The following CCDC112 variants were observed in gnomAD, a reference collection of about 807,000 sequenced individuals.
CCDC112 encodes coiled-coil domain-containing protein 112.
CCDC112 carries 40 observed loss-of-function variants against 66.3 expected under a neutral mutation model. That is an observed-to-expected ratio of 0.60 (90% CI 0.47 to 0.79). The LOEUF (loss-of-function observed/expected upper bound fraction) is 0.79. CCDC112 is among the 30% of genes least tolerant of loss of function. The pLI is 0.00. For missense variants in CCDC112, 659 were observed against 603.8 expected (o/e 1.09, Z -0.96); for synonymous variants, 214 against 197.2 (o/e 1.09, Z -0.71).
At position 115,272,102 on chromosome 5, in the gene CCDC112, T is replaced by C. The variant is rs560981206; in HGVS notation, c.919-476A>G. Among the ~76,000 whole-genome samples, 11 of 152,166 alleles carry C rather than the reference T, an allele frequency of 7.2e-5. No homozygotes were observed. In the South Asian group the frequency reaches 2.3e-3, roughly 32 times the overall value. On this transcript the variant is annotated intron_variant, in intron 6 of 9. Coordinates refer to ENST00000379611, the MANE Select transcript of CCDC112 (RefSeq NM_001040440.3). ...ACCATGTCTGGCTAATTTTTTTGTA[T>C]TTTTAGTATAGGGTTTCATCATGTT...
At position 115,296,619 on chromosome 5, in the gene CCDC112, G is replaced by T; in HGVS notation, c.-76C>A. On this transcript the variant is annotated 5_prime_UTR_variant, in exon 1 of 10. Transcript: ENST00000379611. ...TCGTGGCAGGCGCACCCTGGCCTCT[G>T]CAGACAGCTCCCTGCGCTGCGGGCT... 7.3e-7 allele frequency: 1 copy of T among 1,363,382 alleles called. No individual in the cohort carries two copies. The highest frequency in any genetic ancestry group is 9.5e-7 in the Non-Finnish European group (1 of 1,058,006). 84.5% of individuals were successfully genotyped at this position (1,363,382 alleles called of 1,614,324 possible).
intron 4 of CCDC112, among the ~76,000 whole-genome samples, chr5:115,276,556 C>A (rs1344609395): frequency 6.6e-6 from 1 of 152,020 alleles, no homozygotes; most frequent in Non-Finnish European, 1.5e-5. Context: ...CTCTCAAAGA[C>A]AATTATTTCA....
intron 6 of CCDC112, among the ~76,000 whole-genome samples, chr5:115,274,860 C>T (rs1186625891): frequency 6.6e-6 from 1 of 152,232 alleles, no homozygotes; most frequent in Non-Finnish European, 1.5e-5. Context: ...CCCACCTCAG[C>T]TTCCCAAGTA....
intron 1 of CCDC112, chr5:115,289,463 T>G (rs1488230927): frequency 6.5e-6 from 1 of 153,066 alleles, no homozygotes; most frequent in Non-Finnish European, 1.5e-5. Flanking sequence ...CCCCACTTTT[T>G]TCTATTGTTT....
At chr5:115,276,227 A>G (rs931209536) in intron 4 of CCDC112, among the ~76,000 whole-genome samples, 158 bp from the exon 5 acceptor site, 1 of 152,148 alleles carries the variant, frequency 6.6e-6, no homozygotes, top group Non-Finnish European at 1.5e-5. Context: ...TATGATTGCT[A>G]TTTTTTCTGA....
intron 1 of CCDC112, among the ~76,000 whole-genome samples, chr5:115,287,169 C>A (rs920395066): frequency 6.6e-6 from 1 of 152,162 alleles, no homozygotes; most frequent in African/African-American, 2.4e-5. Context: ...GTTTCAATTT[C>A]TCCACAGGCT....
intron 1 of CCDC112, among the ~76,000 whole-genome samples, chr5:115,295,353 G>A (rs868001334): frequency 1.3e-5 from 2 of 152,128 alleles, no homozygotes; most frequent in Non-Finnish European, 2.9e-5. Context: ...TTTGAGCATA[G>A]TACTTAAAAA....
intron 2 of CCDC112, among the ~76,000 whole-genome samples, chr5:115,282,149 A>C (rs1749483560): frequency 6.6e-6 from 1 of 152,182 alleles, no homozygotes. Flanking sequence ...ACATTCATAC[A>C]CTGGAATATG....
At chr5:115,295,491 G>A (rs932905760) in intron 1 of CCDC112, among the ~76,000 whole-genome samples, 3 of 152,132 alleles carry the variant, frequency 2.0e-5, no homozygotes, top group African/African-American at 7.2e-5. Context: ...ATTTCCTGAA[G>A]GTCTACGAGT....
In CCDC112 at chr5:115,276,940, GATTAT is replaced by G. The variant is rs372585190; in HGVS notation, c.451+20_451+24del. 7,224 of 1,430,820 alleles carry G rather than the reference GATTAT, an allele frequency of 5.0e-3. 46 individuals are homozygous for G. Among genetic ancestry groups the G allele is most frequent in the South Asian group, 0.013 (1,127 of 84,516 alleles). 88.6% of individuals were successfully genotyped at this position (1,430,820 alleles called of 1,614,324 possible). ...ACAGAAAATACTAACACATAAGAAA[GATTAT>G]AATATCTAAATTTACTTACAATCAG... is the stretch of plus-strand genomic sequence containing the variant. On this transcript the variant is annotated intron_variant, in intron 4 of 9. Transcript: ENST00000379611.
rs1394944222 is a variant in CCDC112, at chr5:115,296,438, C to T, written c.106G>A (p.Ala36Thr). The T allele has an allele frequency of 5.1e-6, 8 of 1,567,118 alleles. No homozygotes were observed. Among genetic ancestry groups the T allele is most frequent in the Middle Eastern group, 2.1e-4 (1 of 4,724 alleles). ...TCTCCCGGATTTACCTGTTGAGGCG[C>T]TGGCGTCGCTCCCACGCCGGTCCCG... ...ATGTGVGATP[A>T]PQQSDGCFST... Residue 36 changes from alanine (A) to threonine (T), a missense_variant, in exon 1 of 10, where the codon GCG becomes ACG. Coordinates refer to ENST00000379611, the MANE Select transcript of CCDC112 (RefSeq NM_001040440.3).
At chr5:115,285,060 A>G in intron 1 of CCDC112, 152 bp from the exon 2 acceptor site, 1 of 628,784 alleles carries the variant, frequency 1.6e-6, no homozygotes, top group Admixed American at 2.9e-5. Flanking sequence ...CATTTGTGGA[A>G]GAAGGAGTAT....
chr5:115,292,708 G>A (rs911744204), intron 1 of CCDC112, among the ~76,000 whole-genome samples: 7 of 152,168 alleles, frequency 4.6e-5, no homozygotes, highest in East Asian at 3.8e-4. Flanking sequence ...GTCAGGTGTG[G>A]CAGTGAAATC....
intron 1 of CCDC112, among the ~76,000 whole-genome samples, chr5:115,288,817 G>A (rs1231898179): frequency 1.3e-5 from 2 of 152,018 alleles, no homozygotes; most frequent in Non-Finnish European, 2.9e-5. Flanking sequence ...ACCTCTTAAA[G>A]CATTTACACT....
chr5:115,291,530 C>T (rs1263846351), intron 1 of CCDC112, among the ~76,000 whole-genome samples: 1 of 152,048 alleles, frequency 6.6e-6, no homozygotes, highest in Non-Finnish European at 1.5e-5. Flanking sequence ...TTCCTTCCTC[C>T]TCTATTTTCT....
rs533504080 is a variant in CCDC112, at chr5:115,274,533, A to G, written c.918+683T>C. 3.3e-5 allele frequency among the ~76,000 whole-genome samples: 5 copies of G among 152,164 alleles called. No individual in the cohort carries two copies. In the South Asian group the frequency reaches 1.0e-3, roughly 32 times the overall value. On this transcript the variant is annotated intron_variant, in intron 6 of 9. Coordinates refer to ENST00000379611, the MANE Select transcript of CCDC112 (RefSeq NM_001040440.3). ...TTTTCTACTGCCTCTTGATTTTTCT[A>G]TTCAAAACAATGTGGCCTTTGCTCG...
rs1372216170 is a variant in CCDC112, at chr5:115,271,252, C to T, written c.1293G>A (p.Arg431=). ...TGGAAATTTCATCAGCAGCATTTTT[C>T]CTTTTTTCTGCCTTTTCTGCCTTTT... ...IREKAEKAEK[R]KNAADEISRF... The change falls in exon 7 of 10, where the codon AGG becomes AGA. Residue 431 remains arginine (R), a synonymous_variant. Transcript: ENST00000379611. 4 of 1,582,182 alleles carry T rather than the reference C, an allele frequency of 2.5e-6. No homozygotes were observed. Among genetic ancestry groups the T allele is most frequent in the Admixed American group, 2.0e-5 (1 of 49,342 alleles).
chr5:115,289,935 G>A (rs1038199616), intron 1 of CCDC112, among the ~76,000 whole-genome samples: 3 of 152,124 alleles, frequency 2.0e-5, no homozygotes, highest in Non-Finnish European at 4.4e-5. Context: ...TTCCTGCCCG[G>A]GCCTCCCAAA....
In CCDC112 at chr5:115,275,234, T is replaced by C. The variant is rs753651580; in HGVS notation, c.900A>G (p.Leu300=). Reference sequence around the variant, plus strand: ...TTATTACCTCTTTTTTTCTTTCTTCTAGAGCCAGAAACTTTTGATACCATT... The same window carrying C: ...TTATTACCTCTTTTTTTCTTTCTTCCAGAGCCAGAAACTTTTGATACCATT... ...HEKWYQKFLA[L]EERKKESIQI... The change falls in exon 6 of 10, where the codon CTA becomes CTG. Residue 300 remains leucine, a synonymous_variant. Coordinates refer to ENST00000379611, the MANE Select transcript of CCDC112 (RefSeq NM_001040440.3). 1.2e-5 allele frequency: 20 copies of C among 1,608,622 alleles called. No homozygotes were observed. Among genetic ancestry groups the C allele is most frequent in the Non-Finnish European group, 1.6e-5 (19 of 1,178,384 alleles).
Sources: gnomAD v4.1 joint callset for allele counts (sites outside exome capture counted in the v4.1 genomes callset) on GRCh38, gnomAD v4.1.1 for gene constraint, MANE v1.5 for transcripts, NCBI Gene and HGNC (gene_info 2026-07-23, HGNC 2026-07-21) for gene names.